The following SAMMSON variants were observed in gnomAD, a reference collection of about 807,000 sequenced individuals.
The protein encoded by SAMMSON is survival associated mitochondrial melanoma specific oncogenic non-coding RNA, also known as long intergenic non-protein coding RNA 1212.
intron 3 of SAMMSON, among the ~76,000 whole-genome samples, chr3:70,060,025 A>G (rs1383127983): frequency 6.6e-6 from 1 of 152,154 alleles, no homozygotes; most frequent in African/African-American, 2.4e-5. Context: ...ATGAAAAAAG[A>G]AAGACCTTTG....
At chr3:70,121,817 G>A (rs1317020722) in intron 4 of SAMMSON, among the ~76,000 whole-genome samples, 52 of 152,150 alleles carry the variant, frequency 3.4e-4, no homozygotes, top group Non-Finnish European at 1.2e-4. Flanking sequence ...GGAGTCAGCC[G>A]AGTCAGCTAC....
chr3:70,136,355 C>T (rs1468110844), intron 4 of SAMMSON, among the ~76,000 whole-genome samples: 1 of 152,182 alleles, frequency 6.6e-6, no homozygotes, highest in Non-Finnish European at 1.5e-5. Flanking sequence ...TGGGGGAAGC[C>T]AGCTGCTATG....
At chr3:70,153,363 T>A (rs1190502485) in intron 4 of SAMMSON, among the ~76,000 whole-genome samples, 1 of 152,018 alleles carries the variant, frequency 6.6e-6, no homozygotes, top group African/African-American at 2.4e-5. Context: ...TCCCTATTAA[T>A]GCTCAGGATT....
intron 2 of SAMMSON, among the ~76,000 whole-genome samples, chr3:70,410,890 A>G (rs564945329): frequency 6.6e-6 from 1 of 152,282 alleles, no homozygotes; most frequent in East Asian, 1.9e-4. Context: ...ACTGAAACCC[A>G]TAAGAAATTG....
intron 4 of SAMMSON, among the ~76,000 whole-genome samples, chr3:70,152,730 C>G (rs1160665106): frequency 6.6e-6 from 1 of 151,982 alleles, no homozygotes; most frequent in African/African-American, 2.4e-5. Flanking sequence ...TGCTTCAACA[C>G]AAAAATACCC....
chr3:70,103,243 T>C (rs2106655642), intron 4 of SAMMSON, among the ~76,000 whole-genome samples: 1 of 152,216 alleles, frequency 6.6e-6, no homozygotes. Context: ...TTTAACAAAT[T>C]AAAAAACAAA....
chr3:70,290,824 C>T (rs1702230147), intron 6 of SAMMSON, among the ~76,000 whole-genome samples: 1 of 152,166 alleles, frequency 6.6e-6, no homozygotes, highest in Non-Finnish European at 1.5e-5. Flanking sequence ...CCCGATTTTC[C>T]AGGTGCGGTC....
intron 4 of SAMMSON, among the ~76,000 whole-genome samples, chr3:70,168,222 TATTTCCTGGCCACAG>T (rs58751540): frequency 0.41 from 61,532 of 151,686 alleles, 13,115 homozygotes; most frequent in East Asian, 0.72. Flanking sequence ...TGACCTTCAG[TATTTCCTGGCCACAG>T]ATACCTGCCT....
chr3:70,275,465 T>G (rs183764817), intron 6 of SAMMSON, among the ~76,000 whole-genome samples: 1,807 of 152,248 alleles, frequency 0.012, 35 homozygotes, highest in African/African-American at 0.041. Context: ...CACTGAGCAG[T>G]GATCATGCCA....
intron 6 of SAMMSON, among the ~76,000 whole-genome samples, chr3:70,288,798 C>T (rs1264595243): frequency 2.0e-5 from 3 of 151,716 alleles, no homozygotes; most frequent in Non-Finnish European, 4.4e-5. Context: ...GAATTGATCC[C>T]TTTACCATTA....
chr3:70,107,768 C>T (rs1199540780), intron 4 of SAMMSON, among the ~76,000 whole-genome samples: 1 of 151,938 alleles, frequency 6.6e-6, no homozygotes, highest in East Asian at 1.9e-4. Context: ...TACGTACCAA[C>T]CTCTGAAAGG....
chr3:70,202,930 G>A (rs1359086562), intron 4 of SAMMSON, among the ~76,000 whole-genome samples: 1 of 152,034 alleles, frequency 6.6e-6, no homozygotes, highest in Non-Finnish European at 1.5e-5. Flanking sequence ...TGTGTTTGAG[G>A]GGAGCCTCAT....
rs142806170 is a variant in SAMMSON at position 70,272,924 on chromosome 3, G to A, written n.675-18255G>A. ...GGAGACAGCTAGCAACTAACATTCT[G>A]CAAAAACCCTGAGGAGTCATTTACA... On this transcript the variant is annotated intron_variant and non_coding_transcript_variant, in intron 6 of 9. Transcript: ENST00000642114. Among the ~76,000 whole-genome samples the A allele has an allele frequency of 3.8e-3, 576 of 152,258 alleles. 1 individual carries two copies. The highest frequency in any genetic ancestry group is 0.027 in the Middle Eastern group (8 of 294).
At chr3:70,008,578 C>T (rs1027431501) in intron 1 of SAMMSON, among the ~76,000 whole-genome samples, 1 of 152,190 alleles carries the variant, frequency 6.6e-6, no homozygotes, top group African/African-American at 2.4e-5. Flanking sequence ...GTCATGTCAT[C>T]TGCAAACAGG....
chr3:70,023,492 A>G (rs1228494950), intron 3 of SAMMSON, among the ~76,000 whole-genome samples: 3 of 151,922 alleles, frequency 2.0e-5, no homozygotes, highest in Middle Eastern at 6.8e-3. Flanking sequence ...ATTTCTTTAT[A>G]TTCTTTATTT....
chr3:70,196,795 G>C (rs1330041258), intron 4 of SAMMSON: 2 of 396,790 alleles, frequency 5.0e-6, no homozygotes, highest in Non-Finnish European at 8.9e-6. Flanking sequence ...GACAGGTGCA[G>C]AATAAAATGG....
chr3:70,199,051 A>G (rs762204277), intron 4 of SAMMSON, among the ~76,000 whole-genome samples: 22 of 152,200 alleles, frequency 1.4e-4, no homozygotes, highest in Non-Finnish European at 2.6e-4. Flanking sequence ...ACAATCTCCA[A>G]GTGAATACTC....
chr3:70,144,961 CT>C (rs1401379085), intron 4 of SAMMSON, among the ~76,000 whole-genome samples: 1 of 152,092 alleles, frequency 6.6e-6, no homozygotes, highest in Non-Finnish European at 1.5e-5. Flanking sequence ...CAGTTACTGT[CT>C]GCTTAAATGT....
At chr3:70,003,924 T>A (rs2066915850) in intron 1 of SAMMSON, among the ~76,000 whole-genome samples, 1 of 152,132 alleles carries the variant, frequency 6.6e-6, no homozygotes, top group Non-Finnish European at 1.5e-5. Flanking sequence ...AATGGTATTA[T>A]ACTGCTTTAA....
Sources: gnomAD v4.1 joint callset for allele counts (sites outside exome capture counted in the v4.1 genomes callset) on GRCh38, gnomAD v4.1.1 for gene constraint, MANE v1.5 for transcripts, NCBI Gene and HGNC (gene_info 2026-07-23, HGNC 2026-07-21) for gene names.